Variants in GAREM2 observed in about 807,000 individuals in gnomAD.
GAREM2 encodes the protein GRB2-associated and regulator of MAPK protein 2.
Under a neutral mutation model 55.6 loss-of-function variants are expected in GAREM2, and 30 were observed. The ratio of observed to expected loss-of-function variants is 0.54; its 90% CI spans 0.40 to 0.73. The LOEUF is 0.73. Ranked by LOEUF, GAREM2 falls within the 30% of genes least tolerant of loss-of-function variation. GAREM2 has a pLI of 0.00. For missense variants in GAREM2, 1,075 were observed against 1,257.7 expected (o/e 0.85, Z 2.20); for synonymous variants, 550 against 569.1 (o/e 0.97, Z 0.48).
chr2:26,192,275 C>G (rs751176614), downstream of GAREM2: 3 of 1,103,500 alleles, frequency 2.7e-6, no homozygotes, highest in African/African-American at 3.1e-5. Flanking sequence ...CAGAGAAAGT[C>G]AATTTCCAGG....
the GAREM2 span, among the ~76,000 whole-genome samples, chr2:26,200,385 A>G: frequency 6.6e-6 from 1 of 152,106 alleles, no homozygotes; most frequent in African/African-American, 2.4e-5. Context: ...CCCCACTTCA[A>G]GTACTTGTTT....
chr2:26,184,597 G>A lies in GAREM2; in HGVS notation c.749G>A (p.Gly250Asp). Residue 250 changes from glycine (G) to aspartate (D), a missense_variant, in exon 4 of 6, where the codon GGC becomes GAC. Gly to Asp is a moderately conservative substitution (Grantham distance 94, BLOSUM62 -1). Around this residue, in one of 6 missense-constraint regions of GAREM2, gnomAD observed 170 missense variants for 220.7 expected, o/e 0.77. Transcript: ENST00000401533. ...CCGCTGGAGCTGCAGATGCAAGAGG[G>A]CGAGCACACGGTGCGCGCCATCATC... ...RSPLELQMQE[G>D]EHTVRAIIER... The A allele has an allele frequency of 1.3e-6, 2 of 1,548,594 alleles. No individual in the cohort carries two copies. The highest frequency in any genetic ancestry group is 2.5e-5 in the East Asian group (1 of 40,752).
intron 2 of GAREM2, chr2:26,180,799 G>A: frequency 4.5e-6 from 2 of 442,268 alleles, no homozygotes; most frequent in Non-Finnish European, 6.0e-6. Context: ...TGTATTTTTA[G>A]TAGAGATGGG....
chr2:26,191,277 G>A (rs2147748705), downstream of GAREM2: 1 of 1,612,982 alleles, frequency 6.2e-7, no homozygotes, highest in Non-Finnish European at 8.5e-7. Flanking sequence ...TGTTAGGGCT[G>A]TTAGCATGGT....
intron 2 of GAREM2, 73 bp downstream of exon 2, chr2:26,176,557 G>GGGGCCAGGGGTA: frequency 7.5e-7 from 1 of 1,325,546 alleles, no homozygotes; most frequent in East Asian, 2.9e-5. Context: ...GCCAGGGGTA[G>GGGGCCAGGGGTA]GGGGAACGCT....
chr2:26,181,180 A>G (rs543375134), intron 2 of GAREM2: 1 of 968,596 alleles, frequency 1.0e-6, no homozygotes, highest in African/African-American at 1.8e-5. Flanking sequence ...CTCATGTTGT[A>G]CAGAATAAAG....
At chr2:26,195,083 G>C in the GAREM2 span, 107 of 1,608,866 alleles carry the variant, frequency 6.7e-5, no homozygotes, top group Non-Finnish European at 8.3e-5. Flanking sequence ...CTGTTATACA[G>C]CCCCTTACCT....
the GAREM2 span, among the ~76,000 whole-genome samples, chr2:26,196,470 T>C: frequency 2.6e-5 from 4 of 152,314 alleles, no homozygotes; most frequent in African/African-American, 9.6e-5. Flanking sequence ...CAACTGTATA[T>C]ACATCCATAT....
Position 26,179,180 on chromosome 2 carries a change from A to G in GAREM2, c.253+2696A>G, listed in dbSNP as rs1668963963. On this transcript the variant is annotated intron_variant, in intron 2 of 5. Coordinates refer to ENST00000401533, the MANE Select transcript of GAREM2 (RefSeq NM_001168241.2). The surrounding 1 kb of genome is among the most constrained non-coding windows in gnomAD (Gnocchi z 4.7). ...TCAGGGAGACCTGGCCTGGCCCCGT[A>G]CTGTCCCCCGTCCCAGCCCCCGCCC... is the stretch of plus-strand genomic sequence containing the variant. Among the ~76,000 whole-genome samples, 1 of 152,016 alleles carries G rather than the reference A, an allele frequency of 6.6e-6. No homozygotes were observed. The highest frequency in any genetic ancestry group is 1.5e-5 in the Non-Finnish European group (1 of 67,978).
chr2:26,180,388 C>T lies in GAREM2; in HGVS notation c.254-2579C>T, dbSNP rs555076320. 2.0e-3 allele frequency among the ~76,000 whole-genome samples: 301 copies of T among 152,330 alleles called. 1 individual carries two copies. Among genetic ancestry groups the T allele is most frequent in the Middle Eastern group, 0.01 (3 of 294 alleles). Reference sequence around the variant, plus strand: ...TGAACATCCCCAAAGGGTCAAGCCCCCTGCTCTTCCTCTTCCCTGAGCCAT... The same window carrying T: ...TGAACATCCCCAAAGGGTCAAGCCCTCTGCTCTTCCTCTTCCCTGAGCCAT... On this transcript the variant is annotated intron_variant, in intron 2 of 5. Coordinates refer to ENST00000401533, the MANE Select transcript of GAREM2 (RefSeq NM_001168241.2).
rs1669199730 is a variant in GAREM2, at chr2:26,185,113, C to T, written c.1265C>T (p.Ala422Val). The change falls in exon 4 of 6, where the codon GCG becomes GTG. Residue 422 changes from alanine to valine, a missense_variant. Physicochemically the swap from Ala to Val is moderately conservative, Grantham distance 64. Around this residue, in one of 6 missense-constraint regions of GAREM2, gnomAD observed 515 missense variants for 501.5 expected, o/e 1.03. Transcript: ENST00000401533. Reference sequence around the variant, plus strand: ...TGGGCAGCCGCGCCCGAGCCCGCCGCGCCGCCCGCCGAGATCCCCTACGAG... The same window carrying T: ...TGGGCAGCCGCGCCCGAGCCCGCCGTGCCGCCCGCCGAGATCCCCTACGAG... ...PDWAAAPEPA[A>V]PPAEIPYEEL... is the part of the protein sequence containing the mutation. 1.4e-6 allele frequency: 2 copies of T among 1,446,846 alleles called. No individual in the cohort carries two copies. Among genetic ancestry groups the T allele is most frequent in the East Asian group, 3.0e-5 (1 of 32,886 alleles). The allele number at this position is 1,446,846 out of a possible 1,614,324, so 89.6% of individuals were successfully genotyped here.
In GAREM2 at chr2:26,188,099, C is replaced by G; in HGVS notation, c.2467C>G (p.Leu823Val). The G allele has an allele frequency of 6.4e-7, 1 of 1,550,854 alleles. No individual in the cohort carries two copies. The highest frequency in any genetic ancestry group is 8.7e-7 in the Non-Finnish European group (1 of 1,146,496). Residue 823 changes from leucine to valine, a missense_variant, in exon 6 of 6, where the codon CTC becomes GTC. This residue lies in a region of GAREM2 where 142 missense variants were observed against 172.3 expected (regional missense o/e 0.82). Transcript: ENST00000401533. ...CTCTCGCAGTCTGCGTTTCATCGGG[C>G]TCTCAGAGGATGTGGTGAGCTTCTT... is the stretch of plus-strand genomic sequence containing the variant. ...EVSRSLRFIG[L>V]SEDVVSFFAR...
At chr2:26,193,863 G>A (rs1156626204), downstream of GAREM2, 18 of 987,558 alleles carry the variant, frequency 1.8e-5, no homozygotes, top group Non-Finnish European at 2.9e-5. Flanking sequence ...ACTGCCTTGT[G>A]TAAAACCCAC....
At chr2:26,190,842 G>A, downstream of GAREM2, 1 of 285,098 alleles carries the variant, frequency 3.5e-6, no homozygotes, top group South Asian at 4.1e-5. Flanking sequence ...CTTTTTGAAG[G>A]AGGCGTTTAA....
rs932977421 is a variant in GAREM2, at chr2:26,188,249, A to G, written c.2617A>G (p.Lys873Glu). The change falls in exon 6 of 6, where the codon AAG becomes GAG. Residue 873 changes from lysine (K) to glutamate (E), a missense_variant. This residue lies in a region of GAREM2 where 142 missense variants were observed against 172.3 expected (regional missense o/e 0.82). Transcript: ENST00000401533. ...IMQFIKGWRP[K>E]I ...GCAGTTCATCAAAGGCTGGAGGCCC[A>G]AGATCTGAACTGCCCAGCTGGAGCT... is the stretch of plus-strand genomic sequence containing the variant. 11 of 1,480,536 alleles carry G rather than the reference A, an allele frequency of 7.4e-6. No individual in the cohort carries two copies. Among genetic ancestry groups the G allele is most frequent in the Non-Finnish European group, 1.0e-5 (11 of 1,104,962 alleles). 91.7% of individuals were successfully genotyped at this position (1,480,536 alleles called of 1,614,324 possible). A position where few individuals can be genotyped will look rare whatever the true frequency, so the allele number is the denominator to read the frequency against.
rs1169868302 is a variant in GAREM2, at chr2:26,188,852, C to G, written c.*595C>G. ...CAGGTGAGTCGTGTACAAGCCTAAC[C>G]CATGGCACCTCAGAGGCTCCACCTG... is the stretch of plus-strand genomic sequence containing the variant. On this transcript the variant is annotated 3_prime_UTR_variant, in exon 6 of 6. Transcript: ENST00000401533. 1 of 152,272 alleles carries G rather than the reference C, an allele frequency of 6.6e-6. No homozygotes were observed. The highest frequency in any genetic ancestry group is 1.5e-5 in the Non-Finnish European group (1 of 68,094). 9.4% of individuals were successfully genotyped at this position (152,272 alleles called of 1,614,324 possible).
intron 3 of GAREM2, among the ~76,000 whole-genome samples, chr2:26,183,681 C>T (rs1669128722): frequency 6.6e-6 from 1 of 152,082 alleles, no homozygotes; most frequent in African/African-American, 2.4e-5. Flanking sequence ...GTGAATGTGC[C>T]ACTGCCCTCC....
At chr2:26,191,666 A>G (rs750040371), downstream of GAREM2, 6 of 1,610,106 alleles carry the variant, frequency 3.7e-6, no homozygotes, top group Non-Finnish European at 4.2e-6. Flanking sequence ...GAAGAAGAGG[A>G]AAAGGGGAGG....
Position 26,184,282 on chromosome 2 carries a change from T to C in GAREM2, c.434T>C (p.Leu145Pro), listed in dbSNP as rs1209604243. ...SEDSEVYNFT[L>P]HAGDELTLMG... Reference sequence around the variant, plus strand: ...GACAGCGAGGTGTACAACTTCACGCTGCATGCGGGCGACGAGCTCACTCTT... The same window carrying C: ...GACAGCGAGGTGTACAACTTCACGCCGCATGCGGGCGACGAGCTCACTCTT... Residue 145 changes from leucine to proline, a missense_variant, in exon 4 of 6, where the codon CTG becomes CCG. This residue lies in a region of GAREM2 where 230 missense variants were observed against 310.6 expected (regional missense o/e 0.74). Coordinates refer to ENST00000401533, the MANE Select transcript of GAREM2 (RefSeq NM_001168241.2). The C allele has an allele frequency of 1.9e-6, 3 of 1,550,986 alleles. No individual in the cohort carries two copies. The highest frequency in any genetic ancestry group is 1.2e-5 in the South Asian group (1 of 84,074).
Sources: allele counts gnomAD v4.1 joint callset (sites outside exome capture counted in the v4.1 genomes callset), GRCh38; gene constraint gnomAD v4.1.1; regional missense constraint gnomAD v4.1.1; non-coding constraint Gnocchi (gnomAD v3.1); transcripts MANE v1.5; gene names NCBI Gene and HGNC (gene_info 2026-07-23, HGNC 2026-07-21).